Variants in CSMD3 observed in about 807,000 individuals in gnomAD.
The protein encoded by CSMD3 is CUB and Sushi multiple domains 3, also known as CUB and sushi domain-containing protein 3.
In CSMD3, 177 loss-of-function variants were observed where a neutral mutation model predicts 435.2. That is an observed-to-expected ratio of 0.41 (90% CI 0.36 to 0.46). The LOEUF (loss-of-function observed/expected upper bound fraction) is 0.46, where lower values mean the gene tolerates loss of function less well. Among genes scored for constraint, CSMD3 ranks in the 20% least tolerant of loss-of-function variants. CSMD3 has a pLI of 0.34. For missense variants in CSMD3, 4,265 were observed against 4,504.6 expected, an observed-to-expected ratio of 0.95 and a Z score of 1.52; for synonymous variants, 1,656 against 1,520.5, an observed-to-expected ratio of 1.09 and a Z score of -2.07.
intron 21 of CSMD3, among the ~76,000 whole-genome samples, chr8:112,638,139 T>G (rs2074713592): frequency 6.7e-6 from 1 of 150,060 alleles, no homozygotes; most frequent in African/African-American, 2.4e-5. Flanking sequence ...TATGTTAATT[T>G]GATTATAGAT....
chr8:113,148,294 C>CA (rs1346248992), intron 4 of CSMD3, among the ~76,000 whole-genome samples: 1 of 151,648 alleles, frequency 6.6e-6, no homozygotes, highest in African/African-American at 2.4e-5. Context: ...CCTCCCTCCT[C>CA]ACAGCCTTTT....
At chr8:112,293,448 T>C (rs1416776897) in intron 54 of CSMD3, among the ~76,000 whole-genome samples, 3 of 152,128 alleles carry the variant, frequency 2.0e-5, no homozygotes, top group Non-Finnish European at 2.9e-5. Context: ...AATAGATTGA[T>C]AAGCAAATGT....
chr8:113,080,831 G>T (rs540483853), intron 5 of CSMD3, among the ~76,000 whole-genome samples: 2 of 152,044 alleles, frequency 1.3e-5, no homozygotes, highest in Non-Finnish European at 2.9e-5. Context: ...AAAAACTCAC[G>T]ATATTTTTAC....
chr8:112,644,986 A>T, intron 20 of CSMD3, 123 bp downstream of exon 20: 1 of 732,696 alleles, frequency 1.4e-6, no homozygotes, highest in Non-Finnish European at 2.5e-6. Flanking sequence ...AATGTGTTTT[A>T]GCATATTGTA....
intron 22 of CSMD3, among the ~76,000 whole-genome samples, chr8:112,628,391 TTG>T (rs1834665220): frequency 2.3e-5 from 1 of 42,796 alleles, no homozygotes. Flanking sequence ...AATTACTTGG[TTG>T]GTTGGTTGGT....
At chr8:112,752,743 T>C (rs1347674127) in intron 13 of CSMD3, among the ~76,000 whole-genome samples, 1 of 152,174 alleles carries the variant, frequency 6.6e-6, no homozygotes, top group Non-Finnish European at 1.5e-5. Flanking sequence ...ATATATTCTC[T>C]AAAAATAAAT....
chr8:113,418,977 T>C (rs761709586), intron 1 of CSMD3, among the ~76,000 whole-genome samples: 1 of 152,212 alleles, frequency 6.6e-6, no homozygotes, highest in Non-Finnish European at 1.5e-5. Context: ...CCATAGCTTC[T>C]GCACCTGCAA....
chr8:112,408,581 T>C (rs917297629), intron 33 of CSMD3, among the ~76,000 whole-genome samples, 168 bp from the exon 34 acceptor site: 3 of 152,118 alleles, frequency 2.0e-5, no homozygotes, highest in African/African-American at 4.8e-5. Context: ...GTTCAACTTG[T>C]ATTGCAATCT....
At chr8:112,601,625 T>C (rs551608470) in intron 22 of CSMD3, among the ~76,000 whole-genome samples, 1 of 152,192 alleles carries the variant, frequency 6.6e-6, no homozygotes, top group South Asian at 2.1e-4. Context: ...AGGTAGCATT[T>C]TGGTTGCACT....
chr8:112,929,900 T>G (rs931707056), intron 9 of CSMD3, among the ~76,000 whole-genome samples: 11 of 152,116 alleles, frequency 7.2e-5, no homozygotes, highest in Admixed American at 6.6e-4. Flanking sequence ...GTTAAAATCA[T>G]TTGAATATAA....
At chr8:112,399,265 A>AT (rs111906592) in intron 35 of CSMD3, among the ~76,000 whole-genome samples, 107,918 of 145,408 alleles carry the variant, frequency 0.74, 39,967 homozygotes, top group African/African-American at 0.82. Flanking sequence ...TTGATTCCAA[A>AT]TTTTTTTTTT....
intron 11 of CSMD3, among the ~76,000 whole-genome samples, chr8:112,853,129 C>T (rs769220093): frequency 2.6e-5 from 4 of 152,170 alleles, no homozygotes; most frequent in Non-Finnish European, 4.4e-5. Context: ...AAAAATGTAA[C>T]ATTAGAAGAA....
chr8:113,165,186 A>G (rs1161898019), intron 4 of CSMD3, among the ~76,000 whole-genome samples: 1 of 152,172 alleles, frequency 6.6e-6, no homozygotes, highest in East Asian at 1.9e-4. Flanking sequence ...TCTTTAAGAC[A>G]TGGGCCTATA....
rs137914224 is a variant in CSMD3, at chr8:113,127,244, T to C, written c.710-28281A>G. On this transcript the variant is annotated intron_variant, in intron 4 of 70. Transcript: ENST00000297405. ...TAATTCACACACTAGAAATTGGAGTTCCAAAATCATATATTCACAATCACC... is the reference window on the plus strand; with the variant it reads ...TAATTCACACACTAGAAATTGGAGTCCCAAAATCATATATTCACAATCACC... Among the ~76,000 whole-genome samples, 787 of 152,136 alleles carry C rather than the reference T, an allele frequency of 5.2e-3. 3 individuals carry two copies. The highest frequency in any genetic ancestry group is 8.8e-3 in the Non-Finnish European group (598 of 67,982).
intron 11 of CSMD3, among the ~76,000 whole-genome samples, chr8:112,852,186 G>C (rs1355192062): frequency 6.6e-6 from 1 of 152,140 alleles, no homozygotes; most frequent in Non-Finnish European, 1.5e-5. Flanking sequence ...CACATGGGTA[G>C]AAAACAGGAC....
At chr8:112,560,837 A>C (rs1455040204) in intron 24 of CSMD3, among the ~76,000 whole-genome samples, 8 of 151,740 alleles carry the variant, frequency 5.3e-5, no homozygotes, top group Admixed American at 2.0e-4. Context: ...TTCTTCCAGC[A>C]GATATAATAT....
chr8:112,805,028 C>T (rs981986373), intron 12 of CSMD3, among the ~76,000 whole-genome samples: 7 of 152,094 alleles, frequency 4.6e-5, no homozygotes, highest in Non-Finnish European at 8.8e-5. Context: ...AATGAACACA[C>T]GTTGTTGGTA....
At chr8:112,344,146 T>G (rs1308438335) in intron 41 of CSMD3, among the ~76,000 whole-genome samples, 2 of 152,064 alleles carry the variant, frequency 1.3e-5, no homozygotes, top group African/African-American at 2.4e-5. Context: ...CCTCCCAAAG[T>G]GCTGGGATTA....
rs186898631 is a variant in CSMD3, at chr8:112,656,083, A to G, written c.3004+71T>C. 4.2e-4 allele frequency: 343 copies of G among 814,770 alleles called. 1 individual carries two copies. Among genetic ancestry groups the G allele is most frequent in the Admixed American group, 3.4e-3 (166 of 49,532 alleles). 50.5% of individuals were successfully genotyped at this position (814,770 alleles called of 1,614,324 possible). On this transcript the variant is annotated intron_variant, in intron 18 of 70. Coordinates refer to ENST00000297405, the MANE Select transcript of CSMD3 (RefSeq NM_198123.2). ...AATAAATAGAGCTAATAGTTCCATT[A>G]GTAAAACTATAATAATACAAAAAGT...
Sources: allele counts gnomAD v4.1 joint callset (sites outside exome capture counted in the v4.1 genomes callset), GRCh38; gene constraint gnomAD v4.1.1; transcripts MANE v1.5; gene names NCBI Gene and HGNC (gene_info 2026-07-23, HGNC 2026-07-21).